SYNE2: variants seen among roughly 807,000 people sequenced by gnomAD.
The protein encoded by SYNE2 is spectrin repeat containing nuclear envelope protein 2.
Under a neutral mutation model 856.3 loss-of-function variants are expected in SYNE2, and 431 were observed. The observed-to-expected ratio is 0.50, with a 90% CI of 0.47 to 0.55. The LOEUF is 0.55. SYNE2 is among the 20% of genes least tolerant of loss of function. SYNE2 has a pLI of 0.00. For synonymous variants in SYNE2, 2,923 were observed against 2,872.3 expected, an observed-to-expected ratio of 1.02 and a Z score of -0.56; for missense variants, 8,129 against 8,023.2, an observed-to-expected ratio of 1.01 and a Z score of -0.50.
At chr14:63,972,507 C>A (rs1036641639) in intron 11 of SYNE2, among the ~76,000 whole-genome samples, 1 of 152,092 alleles carries the variant, frequency 6.6e-6, no homozygotes, top group African/African-American at 2.4e-5. Flanking sequence ...ACCATGTATG[C>A]AGTTTCTGGT....
chr14:64,170,561 C>A (rs1171362196), intron 94 of SYNE2, 99 bp downstream of exon 94: 29 of 1,231,384 alleles, frequency 2.4e-5, no homozygotes, highest in Admixed American at 2.0e-4. Flanking sequence ...ATGATGTGAT[C>A]CAAGTGGGCT....
In SYNE2 at chr14:64,055,939, A is replaced by G. The variant is rs1388953631; in HGVS notation, c.9745-5A>G. 2 of 1,612,192 alleles carry G rather than the reference A, an allele frequency of 1.2e-6. No individual in the cohort carries two copies. Among genetic ancestry groups the G allele is most frequent in the African/African-American group, 2.7e-5 (2 of 75,028 alleles). On this transcript the variant is annotated splice_polypyrimidine_tract_variant and splice_region_variant and intron_variant, in intron 48 of 115. Coordinates refer to ENST00000555002, the MANE Select transcript of SYNE2 (RefSeq NM_182914.3). ...TGTCACAGCATTTAATCTCCTATTC[A>G]CTAGAATGTCTTGAATGATGCTTAT...
intron 1 of SYNE2, among the ~76,000 whole-genome samples, chr14:63,835,706 G>A (rs779982146): frequency 5.3e-5 from 8 of 151,950 alleles, no homozygotes; most frequent in Admixed American, 6.6e-5. Flanking sequence ...ATCCAAGGCC[G>A]GGCGTGGTGG....
chr14:63,837,646 G>A (rs1889901130), intron 1 of SYNE2, among the ~76,000 whole-genome samples: 1 of 152,102 alleles, frequency 6.6e-6, no homozygotes, highest in Admixed American at 6.6e-5. Flanking sequence ...CAGATGCAGT[G>A]GCTCATGCCT....
At chr14:64,030,757 A>G (rs781348101) in intron 44 of SYNE2, among the ~76,000 whole-genome samples, 12 of 152,214 alleles carry the variant, frequency 7.9e-5, no homozygotes. Flanking sequence ...TATATATTCA[A>G]CGAATATCTG....
chr14:64,207,792 ATAAT>A (rs1293690212), intron 100 of SYNE2, among the ~76,000 whole-genome samples: 1 of 152,206 alleles, frequency 6.6e-6, no homozygotes, highest in East Asian at 1.9e-4. Flanking sequence ...ATATTATCAA[ATAAT>A]TAAAATAGAA....
At chr14:63,965,213 T>A (rs2096374717) in intron 10 of SYNE2, among the ~76,000 whole-genome samples, 1 of 152,166 alleles carries the variant, frequency 6.6e-6, no homozygotes, top group Non-Finnish European at 1.5e-5. Context: ...TTCGCCCACC[T>A]CAGCCTCCTA....
At chr14:63,831,546 ATT>A (rs1242761627) in intron 1 of SYNE2, among the ~76,000 whole-genome samples, 16 of 128,522 alleles carry the variant, frequency 1.2e-4, no homozygotes, top group African/African-American at 4.6e-4. Context: ...TATAATGTTC[ATT>A]CTTTTTTTTT....
chr14:64,030,162 C>T (rs1385107325), intron 44 of SYNE2, 103 bp downstream of exon 44: 1 of 1,096,026 alleles, frequency 9.1e-7, no homozygotes, highest in African/African-American at 1.5e-5. Flanking sequence ...CAGTGGTATT[C>T]AGATGACTCT....
intron 1 of SYNE2, among the ~76,000 whole-genome samples, chr14:63,806,047 T>C (rs1406080892): frequency 6.6e-6 from 1 of 152,178 alleles, no homozygotes; most frequent in African/African-American, 2.4e-5. Flanking sequence ...TGGGCATCTT[T>C]TGCTTGTTCC....
chr14:63,964,506 ATTTTATTTTTAT>A (rs567876488), intron 10 of SYNE2, among the ~76,000 whole-genome samples: 81 of 152,074 alleles, frequency 5.3e-4, no homozygotes, highest in African/African-American at 1.0e-3. Context: ...CATGCTTTTT[ATTTTATTTTTAT>A]TTTTATTTTT....
intron 2 of SYNE2, among the ~76,000 whole-genome samples, chr14:63,940,188 C>T (rs1213626948): frequency 1.3e-5 from 2 of 151,182 alleles, no homozygotes; most frequent in African/African-American, 2.4e-5. Context: ...AGCCATCTTC[C>T]CCCCTCACAG....
intron 111 of SYNE2, 84 bp from the exon 112 acceptor site, chr14:64,221,492 A>C: frequency 1.2e-6 from 2 of 1,613,554 alleles, no homozygotes; most frequent in Non-Finnish European, 8.5e-7. Context: ...ACTGTGATGG[A>C]TTGGAAGCAG....
At chr14:64,192,534 T>G (rs1187702545) in intron 99 of SYNE2, among the ~76,000 whole-genome samples, 1 of 152,240 alleles carries the variant, frequency 6.6e-6, no homozygotes, top group African/African-American at 2.4e-5. Context: ...ATTTTATTGA[T>G]CTTTTTGGAA....
intron 20 of SYNE2, 72 bp downstream of exon 20, chr14:63,990,641 G>A: frequency 7.6e-7 from 1 of 1,319,712 alleles, no homozygotes; most frequent in Non-Finnish European, 1.1e-6. Context: ...GGGCAGTGAA[G>A]GGGGGTGATA....
chr14:64,049,987 T>G, intron 47 of SYNE2, 111 bp downstream of exon 47: 1 of 1,298,276 alleles, frequency 7.7e-7, no homozygotes, highest in East Asian at 2.5e-5. Context: ...AATTATGATT[T>G]TAAAACCACA....
chr14:64,070,321 C>T (rs2097395932), intron 51 of SYNE2, among the ~76,000 whole-genome samples: 1 of 152,196 alleles, frequency 6.6e-6, no homozygotes, highest in Non-Finnish European at 1.5e-5. Flanking sequence ...TTTGGTGGAG[C>T]TCATGTGCTT....
chr14:64,223,156 G>T (rs776082695), intron 112 of SYNE2, 33 bp from the exon 113 acceptor site: 1 of 1,611,766 alleles, frequency 6.2e-7, no homozygotes, highest in East Asian at 2.2e-5. Context: ...CCTTTGGACA[G>T]GTCACTGTTT....
At chr14:63,834,335 C>G (rs1025346468) in intron 1 of SYNE2, among the ~76,000 whole-genome samples, 7 of 151,940 alleles carry the variant, frequency 4.6e-5, no homozygotes, top group Admixed American at 3.3e-4. Context: ...TGCCCTCCAG[C>G]CTGGGTGACA....
Sources: gnomAD v4.1 joint callset for allele counts (sites outside exome capture counted in the v4.1 genomes callset) on GRCh38, gnomAD v4.1.1 for gene constraint, MANE v1.5 for transcripts, NCBI Gene and HGNC (gene_info 2026-07-23, HGNC 2026-07-21) for gene names.